The following SULF1 variants were observed in gnomAD, a reference collection of about 807,000 sequenced individuals.
SULF1 encodes extracellular sulfatase Sulf-1.
In SULF1, 46 loss-of-function variants were observed where a neutral mutation model predicts 110.5. The observed-to-expected ratio is 0.42, with a 90% CI of 0.33 to 0.53. SULF1 has a LOEUF of 0.53. Ranked by LOEUF, SULF1 falls within the 20% of genes least tolerant of loss-of-function variation. The probability of loss-of-function intolerance (pLI) is 0.12; values close to 1 mark genes in which losing one functional copy is unlikely to be tolerated. For synonymous variants in SULF1, 371 were observed against 387.1 expected (o/e 0.96, Z 0.49); for missense variants, 941 against 1,094.2 (o/e 0.86, Z 1.98).
At chr8:69,567,489 C>G (rs1001342420) in intron 5 of SULF1, among the ~76,000 whole-genome samples, 2 of 152,060 alleles carry the variant, frequency 1.3e-5, no homozygotes, top group African/African-American at 2.4e-5. Flanking sequence ...ACAGCAACTC[C>G]CGTTTCTCTC....
chr8:69,483,126 C>A (rs1586199834), intron 1 of SULF1, among the ~76,000 whole-genome samples: 1 of 152,008 alleles, frequency 6.6e-6, no homozygotes, highest in Non-Finnish European at 1.5e-5. Flanking sequence ...GACTTGAGCA[C>A]CCCTGATTTT....
At chr8:69,467,837 A>T (rs564631747) in intron 1 of SULF1, among the ~76,000 whole-genome samples, 76 of 152,366 alleles carry the variant, frequency 5.0e-4, no homozygotes, top group African/African-American at 1.6e-3. Flanking sequence ...ATTGGAAATT[A>T]ATAGTCATCT....
intron 8 of SULF1, among the ~76,000 whole-genome samples, chr8:69,592,350 A>G (rs77130882): frequency 0.017 from 2,568 of 152,280 alleles, 36 homozygotes; most frequent in Non-Finnish European, 0.023. Flanking sequence ...GCAGAGAGTC[A>G]CTGGAGGTTG....
intron 21 of SULF1, among the ~76,000 whole-genome samples, chr8:69,640,362 T>C (rs945729004): frequency 3.9e-5 from 6 of 152,170 alleles, no homozygotes; most frequent in African/African-American, 1.4e-4. Context: ...AATGGTGAAA[T>C]GACACACTGG....
intron 3 of SULF1, among the ~76,000 whole-genome samples, chr8:69,533,595 A>G (rs1300340504): frequency 2.0e-5 from 3 of 152,138 alleles, no homozygotes; most frequent in Non-Finnish European, 2.9e-5. Flanking sequence ...ATTCCGTTTT[A>G]TGGCTGCATA....
At chr8:69,537,540 G>C (rs191113916) in intron 3 of SULF1, among the ~76,000 whole-genome samples, 1 of 152,290 alleles carries the variant, frequency 6.6e-6, no homozygotes, top group East Asian at 1.9e-4. Context: ...CTCAGCATGA[G>C]TGTGGGCATC....
chr8:69,634,370 T>G (rs1810811512), intron 19 of SULF1, among the ~76,000 whole-genome samples: 1 of 152,238 alleles, frequency 6.6e-6, no homozygotes. Flanking sequence ...ATTATTGTCA[T>G]AAGTTATTAT....
chr8:69,525,282 C>T (rs76466216), intron 3 of SULF1, among the ~76,000 whole-genome samples: 2,150 of 152,134 alleles, frequency 0.014, 50 homozygotes, highest in African/African-American at 0.049. Context: ...AGAAATTGCT[C>T]AATGGTACTA....
chr8:69,586,624 G>T, intron 7 of SULF1, 116 bp downstream of exon 7: 1 of 1,153,694 alleles, frequency 8.7e-7, no homozygotes. Context: ...CACAATGTTA[G>T]CATGAGAAAT....
At chr8:69,626,503 G>A (rs1272856048) in intron 15 of SULF1, among the ~76,000 whole-genome samples, 1 of 152,372 alleles carries the variant, frequency 6.6e-6, no homozygotes, top group Admixed American at 6.5e-5. Flanking sequence ...GCCCTTGGGT[G>A]GTCGATGGGA....
At chr8:69,552,377 A>G (rs1397502214) in intron 3 of SULF1, among the ~76,000 whole-genome samples, 1 of 152,228 alleles carries the variant, frequency 6.6e-6, no homozygotes, top group Admixed American at 6.5e-5. Context: ...GGAATTTTAA[A>G]AAAATCAGTA....
At chr8:69,572,504 C>A (rs548793941) in intron 5 of SULF1, among the ~76,000 whole-genome samples, 2 of 152,222 alleles carry the variant, frequency 1.3e-5, no homozygotes, top group African/African-American at 4.8e-5. Flanking sequence ...CTACAATATA[C>A]CTTATAGTCT....
chr8:69,484,825 C>CTCTTCTTCTTCT (rs72313235), intron 1 of SULF1, among the ~76,000 whole-genome samples: 16,838 of 148,836 alleles, frequency 0.11, 1,111 homozygotes, highest in Non-Finnish European at 0.16. Context: ...TTTCATCTTC[C>CTCTTCTTCTTCT]TCTTCTTCTT....
At chr8:69,467,327 A>G (rs1477093014) in intron 1 of SULF1, among the ~76,000 whole-genome samples, 1 of 152,238 alleles carries the variant, frequency 6.6e-6, no homozygotes, top group African/African-American at 2.4e-5. Context: ...TTACTGCTCA[A>G]TTTATAAAGA....
Position 69,630,718 on chromosome 8 carries a change from G to A in SULF1, c.2284+1039G>A, listed in dbSNP as rs143473226. On this transcript the variant is annotated intron_variant, in intron 19 of 22. Transcript: ENST00000402687. ...CATCTAGCAAGACACTTTATTTTCTGTGCTCATATTTTAATGGGGTACAGG... is the reference window on the plus strand; with the variant it reads ...CATCTAGCAAGACACTTTATTTTCTATGCTCATATTTTAATGGGGTACAGG... 1.3e-4 allele frequency among the ~76,000 whole-genome samples: 20 copies of A among 152,196 alleles called. No homozygotes were observed. The East Asian group carries it at 3.7e-3, about 28-fold the overall frequency.
intron 12 of SULF1, 95 bp downstream of exon 12, chr8:69,603,751 G>A: frequency 1.2e-6 from 1 of 865,418 alleles, no homozygotes. Flanking sequence ...TGTTTACTAA[G>A]CATGCAGATT....
chr8:69,539,881 G>A (rs1409554809), intron 3 of SULF1, among the ~76,000 whole-genome samples: 1 of 152,182 alleles, frequency 6.6e-6, no homozygotes, highest in African/African-American at 2.4e-5. Context: ...TTAATAACAG[G>A]GCTGTTGTGG....
intron 3 of SULF1, among the ~76,000 whole-genome samples, chr8:69,528,005 T>C (rs987109165): frequency 1.3e-5 from 2 of 152,124 alleles, no homozygotes; most frequent in South Asian, 2.1e-4. Context: ...GGATAAAGTT[T>C]AGGTTAAAAA....
intron 19 of SULF1, among the ~76,000 whole-genome samples, chr8:69,635,909 G>A (rs1024921605): frequency 1.3e-5 from 2 of 151,916 alleles, no homozygotes; most frequent in African/African-American, 2.4e-5. Flanking sequence ...AGATCCCAGT[G>A]CTACCAGTTG....
Sources: gnomAD v4.1 joint callset for allele counts (sites outside exome capture counted in the v4.1 genomes callset) on GRCh38, gnomAD v4.1.1 for gene constraint, MANE v1.5 for transcripts, NCBI Gene and HGNC (gene_info 2026-07-23, HGNC 2026-07-21) for gene names.